The following DTNA variants were observed in gnomAD, a reference collection of about 807,000 sequenced individuals.
DTNA encodes the protein dystrobrevin alpha.
In DTNA, 43 loss-of-function variants were observed where a neutral mutation model predicts 100.7. That is an observed-to-expected ratio of 0.43 (90% confidence interval 0.33 to 0.55). The LOEUF (loss-of-function observed/expected upper bound fraction) is 0.55. DTNA is among the 20% of genes least tolerant of loss of function. The probability of loss-of-function intolerance (pLI) is 0.04; values close to 1 mark genes in which losing one functional copy is unlikely to be tolerated. For synonymous variants in DTNA, 349 were observed against 347.9 expected, an observed-to-expected ratio of 1.00 and a Z score of -0.04; for missense variants, 798 against 953.9, an observed-to-expected ratio of 0.84 and a Z score of 2.15.
intron 1 of DTNA, among the ~76,000 whole-genome samples, chr18:34,654,192 A>G (rs1268903374): frequency 2.0e-5 from 3 of 152,152 alleles, no homozygotes; most frequent in Non-Finnish European, 4.4e-5. Flanking sequence ...GACATTCTCA[A>G]ATAGCTGATG....
intron 1 of DTNA, among the ~76,000 whole-genome samples, chr18:34,715,874 C>T (rs1193334588): frequency 6.6e-6 from 1 of 152,146 alleles, no homozygotes; most frequent in African/African-American, 2.4e-5. Flanking sequence ...AAGCACTTCC[C>T]TTTTAATTTT....
At chr18:34,699,648 G>A (rs1056499450) in intron 1 of DTNA, among the ~76,000 whole-genome samples, 14 of 152,260 alleles carry the variant, frequency 9.2e-5, no homozygotes, top group African/African-American at 1.2e-4. Flanking sequence ...AACTGCATTC[G>A]CAGTGATTGA....
intron 1 of DTNA, among the ~76,000 whole-genome samples, chr18:34,754,822 G>A (rs995622504): frequency 2.2e-4 from 33 of 152,150 alleles, no homozygotes; most frequent in Non-Finnish European, 4.6e-4. Flanking sequence ...GTGCTGTGGA[G>A]GTGCAGAGGA....
rs146636388 is a variant in DTNA, at chr18:34,688,007, C to G, written c.-1-67969C>G. The stretch of plus-strand genomic sequence containing the variant: ...TCTGTTTGCTTGATAAGTCTTCCTC[C>G]ATCCCTTTATTTTGAGCTTATGTGT... On this transcript the variant is annotated intron_variant, in intron 1 of 19. Coordinates refer to the DTNA transcript ENST00000283365. Among the ~76,000 whole-genome samples the G allele has an allele frequency of 4.8e-3, 726 of 152,166 alleles. 5 individuals carry two copies. Among genetic ancestry groups the G allele is most frequent in the African/African-American group, 0.015 (636 of 41,528 alleles).
intron 1 of DTNA, among the ~76,000 whole-genome samples, chr18:34,597,241 A>C (rs2050818293): frequency 6.6e-6 from 1 of 152,016 alleles, no homozygotes; most frequent in African/African-American, 2.4e-5. Flanking sequence ...TTCCTTGGCA[A>C]TTTCTTTAAC....
In DTNA at chr18:34,818,283, G is replaced by T; in HGVS notation, c.829G>T (p.Gly277Cys). ...GGACTGCTTCTGGAGGGGACATGCC[G>T]GTGGTTCTCATAGCAACCAGCACCA... ...CQDCFWRGHA[G>C]GSHSNQHQMK... The change falls in exon 8 of 23, where the codon GGT (glycine) becomes TGT (cysteine). Residue 277 changes from glycine to cysteine, a missense_variant. Physicochemically the swap from Gly to Cys is radical, Grantham distance 159. Around this residue, in one of 6 missense-constraint regions of DTNA, gnomAD observed 81 missense variants for 153.5 expected, o/e 0.53. Coordinates refer to ENST00000444659, the MANE Select transcript of DTNA (RefSeq NM_001386795.1). 1.9e-6 allele frequency: 3 copies of T among 1,614,002 alleles called. No individual in the cohort carries two copies. The highest frequency in any genetic ancestry group is 2.5e-6 in the Non-Finnish European group (3 of 1,179,940).
intron 1 of DTNA, among the ~76,000 whole-genome samples, chr18:34,609,307 C>G (rs1477555490): frequency 6.7e-6 from 1 of 148,252 alleles, no homozygotes; most frequent in African/African-American, 2.5e-5. Flanking sequence ...TGCAGTGGCG[C>G]AATCTCGGCT....
Position 34,797,065 on chromosome 18 carries a change from C to T in DTNA, c.362+2815C>T, listed in dbSNP as rs1402304942. On this transcript the variant is annotated intron_variant, in intron 4 of 22. Transcript: ENST00000444659. ...AGCCTCTCAGAAGATATGATAACTA[C>T]ATCTGTAGATGATTTGTACAATGTT... 3.9e-5 allele frequency among the ~76,000 whole-genome samples: 6 copies of T among 152,200 alleles called. No homozygotes were observed. In the East Asian group the frequency reaches 7.7e-4, roughly 20 times the overall value.
chr18:34,752,916 T>C (rs1461209114), intron 1 of DTNA, among the ~76,000 whole-genome samples: 2 of 152,238 alleles, frequency 1.3e-5, no homozygotes. Flanking sequence ...TTATAAACAA[T>C]GTAAATTAGT....
At chr18:34,741,605 G>A (rs1160745369) in intron 1 of DTNA, among the ~76,000 whole-genome samples, 1 of 152,110 alleles carries the variant, frequency 6.6e-6, no homozygotes, top group Admixed American at 6.5e-5. Context: ...TATTCCTGGA[G>A]CCTAGTTGCT....
At chr18:34,762,926 A>G (rs905633839) in intron 2 of DTNA, among the ~76,000 whole-genome samples, 2 of 152,260 alleles carry the variant, frequency 1.3e-5, no homozygotes, top group East Asian at 3.9e-4. Flanking sequence ...GCATCTCTAC[A>G]TCCCTCTTTA....
intron 1 of DTNA, among the ~76,000 whole-genome samples, chr18:34,698,561 A>G (rs2080926485): frequency 6.6e-6 from 1 of 152,204 alleles, no homozygotes; most frequent in Non-Finnish European, 1.5e-5. Context: ...ATGGTTCTCC[A>G]AAGATACACA....
At chr18:34,571,492 T>A (rs1439129) in intron 1 of DTNA, among the ~76,000 whole-genome samples, 1 of 151,768 alleles carries the variant, frequency 6.6e-6, no homozygotes, top group Non-Finnish European at 1.5e-5. Context: ...TGTAATCCCA[T>A]CACTTTGGGA....
intron 1 of DTNA, among the ~76,000 whole-genome samples, chr18:34,646,869 C>G (rs2059899587): frequency 2.0e-5 from 3 of 152,038 alleles, no homozygotes; most frequent in Admixed American, 2.0e-4. Flanking sequence ...GCATGCGCCA[C>G]CATGCCCAGC....
At position 34,889,148 on chromosome 18, in the gene DTNA, C is replaced by A. The variant is rs766763071; in HGVS notation, c.*1414C>A. The A allele has an allele frequency of 6.1e-6, 6 of 985,086 alleles. No individual in the cohort carries two copies. The highest frequency in any genetic ancestry group is 6.2e-5 in the Admixed American group (1 of 16,254). 61.0% of individuals were successfully genotyped at this position (985,086 alleles called of 1,614,324 possible). A position where few individuals can be genotyped will look rare whatever the true frequency, so the allele number is the denominator to read the frequency against. On this transcript the variant is annotated 3_prime_UTR_variant, in exon 23 of 23. Transcript: ENST00000444659. ...GATTTGATTTTTTTAAAAAAGCCTG[C>A]GACCTATTCAATACATTATGCTTAA...
At chr18:34,529,664 C>A (rs1363333837) in intron 1 of DTNA, among the ~76,000 whole-genome samples, 1 of 152,106 alleles carries the variant, frequency 6.6e-6, no homozygotes, top group Non-Finnish European at 1.5e-5. Flanking sequence ...TTGTAATGAA[C>A]AAAATCTATG....
In DTNA at chr18:34,713,352, G is replaced by A. The variant is rs140386990; in HGVS notation, c.-2+2907G>A. 2.2e-3 allele frequency among the ~76,000 whole-genome samples: 336 copies of A among 152,174 alleles called. 1 individual carries two copies. Among genetic ancestry groups the A allele is most frequent in the African/African-American group, 7.4e-3 (309 of 41,512 alleles). On this transcript the variant is annotated intron_variant, in intron 1 of 22. Coordinates refer to ENST00000444659, the MANE Select transcript of DTNA (RefSeq NM_001386795.1). ...CATTTATAAGTCACTAGGAATAGAG[G>A]TGCTTGGTATGTTATTATCAGACTT...
intron 1 of DTNA, among the ~76,000 whole-genome samples, chr18:34,641,263 G>A (rs2059250282): frequency 6.6e-6 from 1 of 152,246 alleles, no homozygotes; most frequent in South Asian, 2.1e-4. Flanking sequence ...TATTAATAAT[G>A]TGATAACTAG....
At chr18:34,834,703 G>A (rs2096097057) in intron 11 of DTNA, among the ~76,000 whole-genome samples, 1 of 152,060 alleles carries the variant, frequency 6.6e-6, no homozygotes, top group African/African-American at 2.4e-5. Flanking sequence ...TTAACAACCA[G>A]CCCTCAAGGG....
Sources: allele counts gnomAD v4.1 joint callset (sites outside exome capture counted in the v4.1 genomes callset), GRCh38; gene constraint gnomAD v4.1.1; regional missense constraint gnomAD v4.1.1; transcripts MANE v1.5; gene names NCBI Gene and HGNC (gene_info 2026-07-23, HGNC 2026-07-21).